The following LUZP2 variants were observed in gnomAD, a reference collection of about 807,000 sequenced individuals.
LUZP2 encodes the protein leucine zipper protein 2.
Under a neutral mutation model 51.6 loss-of-function variants are expected in LUZP2, and 52 were observed. That is an observed-to-expected ratio of 1.01 (90% CI 0.81 to 1.27). The LOEUF (loss-of-function observed/expected upper bound fraction) is 1.27, where lower values mean the gene tolerates loss of function less well. LUZP2 is among the 50% of genes most tolerant of loss of function. LUZP2 has a pLI of 0.00. For missense variants in LUZP2, 436 were observed against 395.4 expected (o/e 1.10, Z -0.87); for synonymous variants, 154 against 137.3 (o/e 1.12, Z -0.85).
chr11:25,008,484 C>T (rs1262635787), intron 9 of LUZP2, among the ~76,000 whole-genome samples: 1 of 152,138 alleles, frequency 6.6e-6, no homozygotes, highest in African/African-American at 2.4e-5. Flanking sequence ...TGCAGTGCAG[C>T]GAATAAGGGC....
intron 4 of LUZP2, among the ~76,000 whole-genome samples, chr11:24,758,966 A>C (rs1363114398): frequency 6.6e-6 from 1 of 152,128 alleles, no homozygotes; most frequent in African/African-American, 2.4e-5. Context: ...AAAACAGTGT[A>C]TCTTTCTTGA....
intron 1 of LUZP2, among the ~76,000 whole-genome samples, chr11:24,637,006 A>G (rs1199825037): frequency 1.3e-5 from 2 of 151,672 alleles, no homozygotes; most frequent in Non-Finnish European, 2.9e-5. Context: ...GATAAAATAG[A>G]AAGCTAAAAA....
chr11:24,567,167 C>A (rs1852275372), intron 1 of LUZP2, among the ~76,000 whole-genome samples: 1 of 149,354 alleles, frequency 6.7e-6, no homozygotes. Flanking sequence ...AGACACATGG[C>A]AATTTTGTCG....
intron 6 of LUZP2, among the ~76,000 whole-genome samples, chr11:24,906,587 T>C (rs1294370677): frequency 6.6e-6 from 1 of 152,190 alleles, no homozygotes; most frequent in East Asian, 1.9e-4. Context: ...CATTTTTCTA[T>C]ATTTCTCATC....
chr11:24,996,775 C>A (rs1856515884), intron 9 of LUZP2, among the ~76,000 whole-genome samples: 1 of 151,998 alleles, frequency 6.6e-6, no homozygotes, highest in African/African-American at 2.4e-5. Context: ...CCCCTCTCCC[C>A]ACCCCACAAC....
intron 7 of LUZP2, among the ~76,000 whole-genome samples, chr11:24,945,799 T>A (rs942752081): frequency 1.3e-5 from 2 of 152,050 alleles, no homozygotes; most frequent in African/African-American, 4.8e-5. Context: ...TTACGATTTT[T>A]AAAAAACTTT....
intron 5 of LUZP2, among the ~76,000 whole-genome samples, chr11:24,790,054 G>A (rs2017929): frequency 0.025 from 3,848 of 152,034 alleles, 78 homozygotes; most frequent in Middle Eastern, 0.085. Flanking sequence ...TACTCCACTC[G>A]TATGCAAGAA....
intron 5 of LUZP2, among the ~76,000 whole-genome samples, chr11:24,882,310 A>G (rs1852495630): frequency 6.6e-6 from 1 of 151,262 alleles, no homozygotes; most frequent in Non-Finnish European, 1.5e-5. Flanking sequence ...AATTTTGGAG[A>G]AGTTTTAGGT....
chr11:24,605,777 T>C (rs1354741542), intron 1 of LUZP2, among the ~76,000 whole-genome samples: 1 of 151,858 alleles, frequency 6.6e-6, no homozygotes, highest in African/African-American at 2.4e-5. Flanking sequence ...CCTTACATTT[T>C]TATTATCATG....
Position 25,044,894 on chromosome 11 carries a change from A to G in LUZP2, c.766-5144A>G, listed in dbSNP as rs569881013. 4.6e-5 allele frequency among the ~76,000 whole-genome samples: 7 copies of G among 151,962 alleles called. 1 individual carries two copies. In the East Asian group the frequency reaches 1.4e-3, roughly 29 times the overall value. On this transcript the variant is annotated intron_variant, in intron 9 of 11. Coordinates refer to ENST00000336930, the MANE Select transcript of LUZP2 (RefSeq NM_001009909.4). ...CTATGCAGCCATGAAAAATGATAAG[A>G]TCATGTCCTTTGTAGGGAAATGGAT... is the stretch of plus-strand genomic sequence containing the variant.
At chr11:24,854,789 A>G (rs746752899) in intron 5 of LUZP2, among the ~76,000 whole-genome samples, 28 of 152,194 alleles carry the variant, frequency 1.8e-4, no homozygotes, top group Non-Finnish European at 4.0e-4. Flanking sequence ...CCGGGTCTGC[A>G]GGTTGCAAAG....
At chr11:24,726,201 T>C (rs1013231941) in intron 1 of LUZP2, among the ~76,000 whole-genome samples, 2 of 152,034 alleles carry the variant, frequency 1.3e-5, no homozygotes, top group South Asian at 2.1e-4. Context: ...CTTATGAAAA[T>C]ATAATCAATC....
chr11:24,733,568 A>T (rs1189057725), intron 3 of LUZP2, among the ~76,000 whole-genome samples: 2 of 151,854 alleles, frequency 1.3e-5, no homozygotes, highest in East Asian at 3.9e-4. Flanking sequence ...AATCTAAAAA[A>T]GTTGATATAA....
At chr11:24,753,049 G>T (rs1460346127) in intron 4 of LUZP2, among the ~76,000 whole-genome samples, 2 of 151,730 alleles carry the variant, frequency 1.3e-5, no homozygotes, top group African/African-American at 4.8e-5. Context: ...GATATAATAA[G>T]GGAAGACACT....
intron 1 of LUZP2, among the ~76,000 whole-genome samples, chr11:24,687,976 T>C (rs1223280073): frequency 6.6e-6 from 1 of 152,122 alleles, no homozygotes; most frequent in Non-Finnish European, 1.5e-5. Flanking sequence ...GAGCCTGGCT[T>C]CACTAAGTCT....
intron 1 of LUZP2, among the ~76,000 whole-genome samples, chr11:24,727,339 C>A (rs938346706): frequency 3.3e-5 from 5 of 151,982 alleles, no homozygotes; most frequent in African/African-American, 1.2e-4. Context: ...ACTGATACAC[C>A]ACTTTCTTAA....
At chr11:24,505,071 C>T (rs1159278735) in intron 1 of LUZP2, among the ~76,000 whole-genome samples, 1 of 152,136 alleles carries the variant, frequency 6.6e-6, no homozygotes, top group African/African-American at 2.4e-5. Context: ...TCGCTGTCTT[C>T]CAAACTAGTT....
chr11:25,042,757 C>T (rs1197513172), intron 9 of LUZP2, among the ~76,000 whole-genome samples: 1 of 152,008 alleles, frequency 6.6e-6, no homozygotes, highest in Non-Finnish European at 1.5e-5. Context: ...CTATATCTGC[C>T]CCCATTACCA....
At chr11:24,804,288 T>A (rs1849787582) in intron 5 of LUZP2, among the ~76,000 whole-genome samples, 1 of 148,866 alleles carries the variant, frequency 6.7e-6, no homozygotes, top group Non-Finnish European at 1.5e-5. Context: ...AGATAAAGCC[T>A]ATGTTTCTAG....
Sources: allele counts gnomAD v4.1 joint callset (sites outside exome capture counted in the v4.1 genomes callset), GRCh38; gene constraint gnomAD v4.1.1; transcripts MANE v1.5; gene names NCBI Gene and HGNC (gene_info 2026-07-23, HGNC 2026-07-21).